Variants in FSTL5 observed in about 807,000 individuals in gnomAD.
FSTL5 encodes follistatin-related protein 5.
A neutral mutation model predicts 89.1 loss-of-function variants in FSTL5; 62 were observed. That is an observed-to-expected ratio of 0.70 (90% CI 0.57 to 0.86). The LOEUF (loss-of-function observed/expected upper bound fraction) is 0.86, where lower values mean the gene tolerates loss of function less well. Ranked by LOEUF, FSTL5 falls within the 40% of genes least tolerant of loss-of-function variation. The probability of loss-of-function intolerance (pLI) is 0.00; values close to 1 mark genes in which losing one functional copy is unlikely to be tolerated. For missense variants in FSTL5, 1,057 were observed against 1,001.6 expected, an observed-to-expected ratio of 1.06 and a Z score of -0.75; for synonymous variants, 383 against 346.2, an observed-to-expected ratio of 1.11 and a Z score of -1.18.
chr4:162,057,256 C>G (rs1738574021), intron 2 of FSTL5, among the ~76,000 whole-genome samples: 1 of 152,132 alleles, frequency 6.6e-6, no homozygotes, highest in Non-Finnish European at 1.5e-5. Context: ...TTTCCCTCTG[C>G]TCATTCCTTT....
chr4:161,568,908 T>G (rs1032891353), intron 8 of FSTL5, among the ~76,000 whole-genome samples: 1 of 152,208 alleles, frequency 6.6e-6, no homozygotes, highest in Non-Finnish European at 1.5e-5. Context: ...TTACATGTAC[T>G]GTCTTTAGTT....
chr4:161,595,482 A>G (rs1319382432), intron 7 of FSTL5, among the ~76,000 whole-genome samples: 3 of 152,120 alleles, frequency 2.0e-5, no homozygotes, highest in Non-Finnish European at 4.4e-5. Context: ...GAAAAAACAC[A>G]AAATCGTTTA....
At chr4:161,592,354 C>T (rs1037363089) in intron 7 of FSTL5, among the ~76,000 whole-genome samples, 82 of 152,022 alleles carry the variant, frequency 5.4e-4, no homozygotes, top group Admixed American at 4.4e-3. Flanking sequence ...TATACACGTG[C>T]CATGGTGGTT....
intron 3 of FSTL5, among the ~76,000 whole-genome samples, chr4:162,009,854 C>A (rs943294184): frequency 1.3e-5 from 2 of 151,714 alleles, no homozygotes; most frequent in Non-Finnish European, 2.9e-5. Context: ...CTACAAATTA[C>A]GTGTAGTAGC....
intron 3 of FSTL5, among the ~76,000 whole-genome samples, chr4:161,985,180 C>T (rs775535034): frequency 3.3e-5 from 5 of 151,868 alleles, no homozygotes; most frequent in Non-Finnish European, 5.9e-5. Context: ...CTTATATTTA[C>T]CCAAGATTAC....
At chr4:161,912,437 T>C (rs1467218850) in intron 4 of FSTL5, among the ~76,000 whole-genome samples, 2 of 152,158 alleles carry the variant, frequency 1.3e-5, no homozygotes, top group Non-Finnish European at 2.9e-5. Context: ...GCTATTCTCA[T>C]GATAGTGAGT....
rs1735016715 is a variant in FSTL5, at chr4:161,955,942, A to G, written c.161-35290T>C. The stretch of plus-strand genomic sequence containing the variant: ...TGACACTTGTTCTCTACCCTTCTAC[A>G]CTCTCGGAACACTGAGACATGCCTA... On this transcript the variant is annotated intron_variant, in intron 3 of 15. Transcript: ENST00000306100. Among the ~76,000 whole-genome samples the G allele has an allele frequency of 2.6e-5, 4 of 151,556 alleles. No homozygotes were observed. The South Asian group carries it at 8.3e-4, about 31-fold the overall frequency.
intron 4 of FSTL5, among the ~76,000 whole-genome samples, chr4:161,829,139 T>TATATA (rs376398343): frequency 7.9e-5 from 11 of 139,926 alleles, no homozygotes; most frequent in Admixed American, 7.3e-5. Context: ...CAGTCACATT[T>TATATA]TATATATATA....
intron 3 of FSTL5, among the ~76,000 whole-genome samples, chr4:162,010,642 T>A (rs1227399269): frequency 1.3e-5 from 2 of 152,218 alleles, no homozygotes; most frequent in East Asian, 3.9e-4. Context: ...CTGTTTAATG[T>A]TATGTATTTA....
At chr4:161,725,351 C>T (rs968329909) in intron 6 of FSTL5, among the ~76,000 whole-genome samples, 2 of 151,894 alleles carry the variant, frequency 1.3e-5, no homozygotes, top group African/African-American at 2.4e-5. Flanking sequence ...ATGTGCATAT[C>T]GTTTTTAAAA....
intron 6 of FSTL5, among the ~76,000 whole-genome samples, chr4:161,702,445 T>C (rs1293754896): frequency 6.6e-6 from 1 of 152,154 alleles, no homozygotes; most frequent in Non-Finnish European, 1.5e-5. Flanking sequence ...GGCACATTAA[T>C]GGCCATTTAT....
intron 3 of FSTL5, among the ~76,000 whole-genome samples, chr4:161,923,380 T>C (rs1342248240): frequency 1.3e-5 from 2 of 151,928 alleles, no homozygotes; most frequent in Non-Finnish European, 2.9e-5. Flanking sequence ...AATACTTTAA[T>C]GTAAAGTATA....
At chr4:161,890,107 T>C (rs1252972052) in intron 4 of FSTL5, among the ~76,000 whole-genome samples, 1 of 152,220 alleles carries the variant, frequency 6.6e-6, no homozygotes, top group Admixed American at 6.5e-5. Flanking sequence ...TCCTCTTTTC[T>C]ATCTGTGTCA....
chr4:161,641,723 C>T (rs1735970516), intron 7 of FSTL5, among the ~76,000 whole-genome samples: 1 of 151,962 alleles, frequency 6.6e-6, no homozygotes, highest in Non-Finnish European at 1.5e-5. Context: ...ATCTCCTGAC[C>T]TCGTTATCTG....
chr4:161,977,444 C>T (rs768460600), intron 3 of FSTL5, among the ~76,000 whole-genome samples: 13 of 151,162 alleles, frequency 8.6e-5, no homozygotes, highest in Non-Finnish European at 1.6e-4. Context: ...AACCCCGTCT[C>T]TACTAAAAAA....
intron 13 of FSTL5, among the ~76,000 whole-genome samples, chr4:161,469,150 C>G (rs2126429876): frequency 6.6e-6 from 1 of 152,172 alleles, no homozygotes; most frequent in East Asian, 1.9e-4. Flanking sequence ...CTCTAATTAC[C>G]TCATATAAAT....
chr4:161,994,238 G>T (rs1307237413), intron 3 of FSTL5, among the ~76,000 whole-genome samples: 2 of 152,140 alleles, frequency 1.3e-5, no homozygotes, highest in African/African-American at 4.8e-5. Flanking sequence ...TTTTATGGCT[G>T]CATAGTATTC....
At chr4:162,061,847 T>A (rs1738728148) in intron 2 of FSTL5, among the ~76,000 whole-genome samples, 1 of 152,194 alleles carries the variant, frequency 6.6e-6, no homozygotes, top group South Asian at 2.1e-4. Context: ...ATGTAATCAA[T>A]TTTCTGTTAC....
intron 6 of FSTL5, among the ~76,000 whole-genome samples, chr4:161,725,686 C>T (rs1191690242): frequency 2.6e-5 from 4 of 152,044 alleles, no homozygotes; most frequent in African/African-American, 7.2e-5. Context: ...ATTCTTTAAT[C>T]CTAGGCATCA....
Sources: gnomAD v4.1 joint callset for allele counts (sites outside exome capture counted in the v4.1 genomes callset) on GRCh38, gnomAD v4.1.1 for gene constraint, MANE v1.5 for transcripts, NCBI Gene and HGNC (gene_info 2026-07-23, HGNC 2026-07-21) for gene names.